EDIL3: variants seen among roughly 807,000 people sequenced by gnomAD.
The protein encoded by EDIL3 is EGF-like repeat and discoidin I-like domain-containing protein 3.
A neutral mutation model predicts 67.4 loss-of-function variants in EDIL3; 37 were observed. The ratio of observed to expected loss-of-function variants is 0.55; its 90% CI spans 0.42 to 0.72. The LOEUF (loss-of-function observed/expected upper bound fraction) is 0.72, where lower values mean the gene tolerates loss of function less well. Among genes scored for constraint, EDIL3 ranks in the 30% least tolerant of loss-of-function variants. The pLI, the probability that EDIL3 is intolerant of heterozygous loss-of-function variation, is 0.00. For missense variants in EDIL3, 527 were observed against 586.3 expected (o/e 0.90, Z 1.04); for synonymous variants, 195 against 196.3 (o/e 0.99, Z 0.05).
intron 9 of EDIL3, among the ~76,000 whole-genome samples, chr5:84,003,765 C>T (rs548938369): frequency 3.3e-5 from 5 of 152,128 alleles, no homozygotes; most frequent in South Asian, 4.1e-4. Context: ...ACTACATGAT[C>T]GAGTCTACCT....
chr5:83,967,933 T>A (rs1458453515), intron 9 of EDIL3, among the ~76,000 whole-genome samples: 1 of 152,142 alleles, frequency 6.6e-6, no homozygotes, highest in African/African-American at 2.4e-5. Context: ...GAATTGTGTA[T>A]TTTATGACTT....
At chr5:84,154,802 C>T (rs1009930724) in intron 4 of EDIL3, among the ~76,000 whole-genome samples, 21 of 149,932 alleles carry the variant, frequency 1.4e-4, no homozygotes, top group Admixed American at 5.4e-4. Flanking sequence ...CAGGTTCAAG[C>T]GATTCTCCTG....
intron 1 of EDIL3, among the ~76,000 whole-genome samples, chr5:84,317,164 AT>A (rs1746530585): frequency 6.6e-6 from 1 of 152,194 alleles, no homozygotes; most frequent in African/African-American, 2.4e-5. Context: ...AGGAGGAAAG[AT>A]CTAAAATCGA....
chr5:84,242,446 TA>T (rs1383500380), intron 2 of EDIL3, among the ~76,000 whole-genome samples: 4 of 152,118 alleles, frequency 2.6e-5, no homozygotes, highest in African/African-American at 9.7e-5. Flanking sequence ...TTCAGATATT[TA>T]CACACTACAG....
At chr5:84,273,549 T>C (rs1476084409) in intron 1 of EDIL3, among the ~76,000 whole-genome samples, 1 of 152,194 alleles carries the variant, frequency 6.6e-6, no homozygotes, top group Admixed American at 6.5e-5. Context: ...GTTTTTAAAA[T>C]GCCTCACACA....
intron 1 of EDIL3, among the ~76,000 whole-genome samples, chr5:84,328,578 A>G (rs531759341): frequency 3.3e-5 from 5 of 152,140 alleles, no homozygotes; most frequent in African/African-American, 9.6e-5. Flanking sequence ...CCTTATATAT[A>G]TTATTATAAA....
intron 1 of EDIL3, among the ~76,000 whole-genome samples, chr5:84,266,635 C>T (rs1226866861): frequency 2.0e-5 from 3 of 152,118 alleles, no homozygotes; most frequent in Non-Finnish European, 4.4e-5. Context: ...ACCTCTGATG[C>T]TCTCAGAGTT....
intron 1 of EDIL3, among the ~76,000 whole-genome samples, chr5:84,370,763 T>C (rs2112211692): frequency 6.6e-6 from 1 of 152,296 alleles, no homozygotes; most frequent in East Asian, 1.9e-4. Context: ...AAAGTATTTA[T>C]TGCTTTTTAA....
chr5:83,947,457 C>T (rs1744333555), intron 10 of EDIL3, among the ~76,000 whole-genome samples: 1 of 151,218 alleles, frequency 6.6e-6, no homozygotes, highest in South Asian at 2.1e-4. Flanking sequence ...TACATAATTT[C>T]AATCCTTTGA....
chr5:84,220,141 T>C (rs1428421983), intron 3 of EDIL3, among the ~76,000 whole-genome samples: 1 of 152,164 alleles, frequency 6.6e-6, no homozygotes, highest in Non-Finnish European at 1.5e-5. Context: ...ATAGGGTAAA[T>C]GCTTGAGAAG....
At chr5:84,285,590 T>C (rs1384868412) in intron 1 of EDIL3, among the ~76,000 whole-genome samples, 4 of 152,254 alleles carry the variant, frequency 2.6e-5, no homozygotes, top group African/African-American at 9.6e-5. Context: ...ATGTTGTTCA[T>C]ACTTAAGTGA....
At chr5:84,248,223 G>A (rs947628656) in intron 2 of EDIL3, among the ~76,000 whole-genome samples, 26 of 152,016 alleles carry the variant, frequency 1.7e-4, no homozygotes, top group Non-Finnish European at 1.5e-4. Flanking sequence ...CTAATCTTCC[G>A]TAAACCAACA....
At chr5:84,375,289 C>T (rs1424309347) in intron 1 of EDIL3, among the ~76,000 whole-genome samples, 1 of 151,994 alleles carries the variant, frequency 6.6e-6, no homozygotes. Flanking sequence ...TTCTTTATAG[C>T]AGTGTGAAAA....
intron 3 of EDIL3, among the ~76,000 whole-genome samples, chr5:84,193,005 C>T (rs575185646): frequency 6.6e-6 from 1 of 151,906 alleles, no homozygotes; most frequent in South Asian, 2.1e-4. Flanking sequence ...GAAAAAGGGC[C>T]TGTGGTAAGA....
chr5:83,988,418 C>T (rs1442132665), intron 9 of EDIL3, among the ~76,000 whole-genome samples: 1 of 152,082 alleles, frequency 6.6e-6, no homozygotes, highest in African/African-American at 2.4e-5. Flanking sequence ...TCCATAAGTG[C>T]TAGAGGAAAA....
chr5:83,985,460 T>C (rs1398110728), intron 9 of EDIL3, among the ~76,000 whole-genome samples: 1 of 152,118 alleles, frequency 6.6e-6, no homozygotes, highest in Non-Finnish European at 1.5e-5. Flanking sequence ...TTTAATTGAA[T>C]TGAATTGTGG....
chr5:83,965,604 T>C (rs1373098503), intron 9 of EDIL3, among the ~76,000 whole-genome samples: 3 of 152,040 alleles, frequency 2.0e-5, no homozygotes, highest in African/African-American at 4.8e-5. Context: ...TTAGCTAAGA[T>C]GATGCATTGA....
At chr5:84,037,588 AC>A (rs377174906) in intron 9 of EDIL3, among the ~76,000 whole-genome samples, 95 of 152,342 alleles carry the variant, frequency 6.2e-4, no homozygotes, top group African/African-American at 2.2e-3. Flanking sequence ...TTTTAAAAAA[AC>A]AAAGAATAAA....
intron 1 of EDIL3, among the ~76,000 whole-genome samples, chr5:84,360,099 A>G (rs961654443): frequency 2.6e-5 from 4 of 152,180 alleles, no homozygotes; most frequent in Non-Finnish European, 5.9e-5. Flanking sequence ...TTAAACTACT[A>G]CTACCACACT....
Sources: allele counts gnomAD v4.1 joint callset (sites outside exome capture counted in the v4.1 genomes callset), GRCh38; gene constraint gnomAD v4.1.1; transcripts MANE v1.5; gene names NCBI Gene and HGNC (gene_info 2026-07-23, HGNC 2026-07-21).